PAK2: variants seen among roughly 807,000 people sequenced by gnomAD.
PAK2 encodes p21 (RAC1) activated kinase 2, also known as serine/threonine-protein kinase PAK 2.
A neutral mutation model predicts 65.9 loss-of-function variants in PAK2; 21 were observed. The observed-to-expected ratio is 0.32, with a 90% CI of 0.23 to 0.46. The LOEUF (loss-of-function observed/expected upper bound fraction) is 0.46, where lower values mean the gene tolerates loss of function less well. PAK2 is among the 20% of genes least tolerant of loss of function. The pLI is 1.00. For synonymous variants in PAK2, 204 were observed against 219.7 expected (o/e 0.93, Z 0.63); for missense variants, 324 against 642.6 (o/e 0.50, Z 5.36).
rs1474954914 is a variant in PAK2 at position 196,751,671 on chromosome 3, A to G, written c.-22+11514A>G. ...CCAAAAAACACACAAATTTATTTAT[A>G]TACATATATATATATATATATATAA... On this transcript the variant is annotated intron_variant, in intron 1 of 14. Coordinates refer to ENST00000327134, the MANE Select transcript of PAK2 (RefSeq NM_002577.4). 1.1e-4 allele frequency among the ~76,000 whole-genome samples: 3 copies of G among 27,410 alleles called. 1 individual carries two copies. In the South Asian group the frequency reaches 2.2e-3, roughly 21 times the overall value. The allele number at this position is 27,410 out of a possible 152,430, so 18.0% of individuals were successfully genotyped here.
intron 1 of PAK2, among the ~76,000 whole-genome samples, chr3:196,771,166 T>C (rs974435971): frequency 6.6e-6 from 1 of 152,072 alleles, no homozygotes; most frequent in African/African-American, 2.4e-5. Flanking sequence ...AAAAATAGTT[T>C]TGTTGAGTTT....
chr3:196,803,832 G>A (rs539297361), intron 4 of PAK2, among the ~76,000 whole-genome samples: 29 of 152,290 alleles, frequency 1.9e-4, no homozygotes, highest in East Asian at 7.7e-4. Flanking sequence ...GAGATATACC[G>A]TTAACCTATG....
At chr3:196,753,529 AT>A (rs930656384) in intron 1 of PAK2, among the ~76,000 whole-genome samples, 1 of 152,250 alleles carries the variant, frequency 6.6e-6, no homozygotes, top group African/African-American at 2.4e-5. Context: ...TACATTTAGT[AT>A]TAACACAAGT....
At chr3:196,775,154 C>G (rs1002103730) in intron 1 of PAK2, among the ~76,000 whole-genome samples, 2 of 152,122 alleles carry the variant, frequency 1.3e-5, no homozygotes, top group Non-Finnish European at 1.5e-5. Flanking sequence ...ACATCTCTGA[C>G]TCAAGTTTAC....
intron 1 of PAK2, among the ~76,000 whole-genome samples, chr3:196,763,955 C>T (rs7621908): frequency 0.081 from 11,273 of 140,004 alleles, 772 homozygotes; most frequent in African/African-American, 0.19. Flanking sequence ...CCCACCACCA[C>T]GCCCGGCTAT....
chr3:196,824,043 C>G (rs1474451293), intron 13 of PAK2, among the ~76,000 whole-genome samples: 1 of 151,968 alleles, frequency 6.6e-6, no homozygotes, highest in Non-Finnish European at 1.5e-5. Flanking sequence ...TCATTCCAAG[C>G]TGAAGATAGA....
chr3:196,801,899 C>A (rs1170572083), intron 2 of PAK2, 28 bp from the exon 3 acceptor site: 2 of 1,149,126 alleles, frequency 1.7e-6, no homozygotes, highest in South Asian at 1.2e-5. Flanking sequence ...TAGGCTGATT[C>A]TTTCTCTTTT....
chr3:196,818,603 G>A (rs1043045069), intron 12 of PAK2, among the ~76,000 whole-genome samples: 5 of 152,044 alleles, frequency 3.3e-5, no homozygotes, highest in Non-Finnish European at 7.4e-5. Context: ...CTGAACTCAG[G>A]TATCTTCCCG....
chr3:196,809,447 G>A (rs1283119071), intron 7 of PAK2, among the ~76,000 whole-genome samples: 8 of 142,108 alleles, frequency 5.6e-5, no homozygotes, highest in Admixed American at 3.7e-4. Context: ...CAGTTCAAGC[G>A]TTTCTTCTGC....
At chr3:196,770,639 T>C (rs573304426) in intron 1 of PAK2, among the ~76,000 whole-genome samples, 1 of 152,182 alleles carries the variant, frequency 6.6e-6, no homozygotes, top group East Asian at 1.9e-4. Flanking sequence ...TATTGTATTT[T>C]AAAGACAGAG....
At chr3:196,811,180 C>T in intron 8 of PAK2, among the ~76,000 whole-genome samples, 1 of 148,090 alleles carries the variant, frequency 6.8e-6, no homozygotes, top group Non-Finnish European at 1.5e-5. Flanking sequence ...TTTTTGAAAA[C>T]TTCCATATGA....
intron 2 of PAK2, among the ~76,000 whole-genome samples, chr3:196,783,233 C>T (rs1714767894): frequency 6.6e-6 from 1 of 152,164 alleles, no homozygotes; most frequent in African/African-American, 2.4e-5. Context: ...GTAGTAAATA[C>T]TGTCTTTTAC....
chr3:196,813,605 A>G (rs1438650073), intron 10 of PAK2, among the ~76,000 whole-genome samples: 2 of 152,172 alleles, frequency 1.3e-5, no homozygotes, highest in Admixed American at 1.3e-4. Context: ...AGAATGAGGA[A>G]AAAATAATGT....
rs575999733 is a variant in PAK2 at position 196,805,454 on chromosome 3, A to C, written c.468+71A>C. On this transcript the variant is annotated intron_variant, in intron 5 of 14. Transcript: ENST00000327134. The stretch of plus-strand genomic sequence containing the variant: ...TTACCCAAGACAAATCTCAGTTTTT[A>C]TTTTGCTTTCTAAAATAAATTACAG... The C allele has an allele frequency of 1.0e-5, 8 of 762,828 alleles. No homozygotes were observed. The South Asian group carries it at 1.3e-4, about 12-fold the overall frequency. 47.3% of individuals were successfully genotyped at this position (762,828 alleles called of 1,614,324 possible). A position where few individuals can be genotyped will look rare whatever the true frequency, so the allele number is the denominator to read the frequency against.
chr3:196,777,161 T>G (rs1157208722), intron 1 of PAK2, among the ~76,000 whole-genome samples: 1 of 152,234 alleles, frequency 6.6e-6, no homozygotes, highest in Non-Finnish European at 1.5e-5. Context: ...AATGGGTTTG[T>G]TGTTATTTTT....
At chr3:196,763,607 C>T (rs557961286) in intron 1 of PAK2, among the ~76,000 whole-genome samples, 32 of 151,942 alleles carry the variant, frequency 2.1e-4, no homozygotes, top group African/African-American at 7.5e-4. Context: ...GGTCACATGA[C>T]AGTAAAAGAA....
At chr3:196,787,511 A>G (rs1015497211) in intron 2 of PAK2, among the ~76,000 whole-genome samples, 1 of 151,514 alleles carries the variant, frequency 6.6e-6, no homozygotes. Flanking sequence ...CCCGGGAGGC[A>G]GAGCTTGCAG....
chr3:196,812,288 C>T (rs1715854021), intron 9 of PAK2, 21 bp downstream of exon 9: 2 of 1,440,952 alleles, frequency 1.4e-6, no homozygotes, highest in South Asian at 2.3e-5. Context: ...TGTTGTAATC[C>T]TGGGTGTTAC....
intron 2 of PAK2, among the ~76,000 whole-genome samples, chr3:196,786,020 T>G (rs1714877029): frequency 6.6e-6 from 1 of 152,176 alleles, no homozygotes; most frequent in Non-Finnish European, 1.5e-5. Flanking sequence ...TAATAAACAT[T>G]CCTTGTAGTC....
Sources: gnomAD v4.1 joint callset for allele counts (sites outside exome capture counted in the v4.1 genomes callset) on GRCh38, gnomAD v4.1.1 for gene constraint, MANE v1.5 for transcripts, NCBI Gene and HGNC (gene_info 2026-07-23, HGNC 2026-07-21) for gene names.